Variants in TENM3 observed in about 807,000 individuals in gnomAD.
TENM3 encodes teneurin-3.
TENM3 carries 63 observed loss-of-function variants against 255.1 expected under a neutral mutation model. The ratio of observed to expected loss-of-function variants is 0.25; its 90% CI spans 0.20 to 0.30. The LOEUF (loss-of-function observed/expected upper bound fraction) is 0.30. TENM3 is among the 10% of genes least tolerant of loss of function. TENM3 has a pLI of 1.00. For synonymous variants in TENM3, 1,306 were observed against 1,322.3 expected, an observed-to-expected ratio of 0.99 and a Z score of 0.27; for missense variants, 2,929 against 3,461.1, an observed-to-expected ratio of 0.85 and a Z score of 3.86.
In TENM3 at chr4:182,775,221, G is replaced by A. The variant is rs76398106; in HGVS notation, c.5304+68G>A. 6.5e-4 allele frequency: 929 copies of A among 1,436,736 alleles called. 4 individuals are homozygous for A. The African/African-American group carries it at 0.012, about 19-fold the overall frequency. 89.0% of individuals were successfully genotyped at this position (1,436,736 alleles called of 1,614,324 possible). On this transcript the variant is annotated intron_variant, in intron 24 of 27. Coordinates refer to ENST00000511685, the MANE Select transcript of TENM3 (RefSeq NM_001080477.4). ...ATCTGTGCAGATCATCCTGAGGGCA[G>A]GTTGCGTCTCCTGCTCACCCCCCTA... is the stretch of plus-strand genomic sequence containing the variant.
At chr4:182,385,318 G>A (rs1189342061) in intron 3 of TENM3, among the ~76,000 whole-genome samples, 1 of 134,098 alleles carries the variant, frequency 7.5e-6, no homozygotes, top group Non-Finnish European at 1.5e-5. Flanking sequence ...ACACTGGAGT[G>A]CAGAGGCACG....
chr4:182,606,330 C>T (rs1748419041), intron 4 of TENM3, among the ~76,000 whole-genome samples: 1 of 151,896 alleles, frequency 6.6e-6, no homozygotes, highest in African/African-American at 2.4e-5. Flanking sequence ...TTGAGACCAG[C>T]CTGGCCAACA....
chr4:182,702,322 C>T (rs1023522653), intron 12 of TENM3, among the ~76,000 whole-genome samples: 2 of 152,144 alleles, frequency 1.3e-5, no homozygotes, highest in Non-Finnish European at 2.9e-5. Context: ...AGGAGGGCAG[C>T]TTGGGGAGGC....
chr4:181,746,478 G>A, the TENM3 span, among the ~76,000 whole-genome samples: 3 of 152,060 alleles, frequency 2.0e-5, no homozygotes, highest in African/African-American at 7.2e-5. Context: ...GGCTATAAAT[G>A]GTGATGGAAC....
At chr4:181,750,026 T>A in the TENM3 span, among the ~76,000 whole-genome samples, 2 of 152,186 alleles carry the variant, frequency 1.3e-5, no homozygotes, top group African/African-American at 4.8e-5. Context: ...AACCCACTGA[T>A]GAGTGATCAG....
At chr4:182,517,320 G>A (rs1263196591) in intron 3 of TENM3, among the ~76,000 whole-genome samples, 1 of 151,788 alleles carries the variant, frequency 6.6e-6, no homozygotes, top group Non-Finnish European at 1.5e-5. Flanking sequence ...GAATTCAGCA[G>A]GCTCTTCGGC....
intron 1 of TENM3, among the ~76,000 whole-genome samples, chr4:182,204,611 G>A (rs4632696): frequency 1.3e-5 from 2 of 151,892 alleles, no homozygotes; most frequent in African/African-American, 4.8e-5. Flanking sequence ...GTGCCTCAAC[G>A]TAGTCAGCAC....
At chr4:181,502,579 T>C in the TENM3 span, among the ~76,000 whole-genome samples, 1 of 152,226 alleles carries the variant, frequency 6.6e-6, no homozygotes, top group Non-Finnish European at 1.5e-5. Flanking sequence ...GGAGATGATA[T>C]GTCTCATGTC....
At chr4:182,328,468 G>A (rs190676635) in intron 2 of TENM3, among the ~76,000 whole-genome samples, 3 of 152,004 alleles carry the variant, frequency 2.0e-5, no homozygotes, top group South Asian at 2.1e-4. Flanking sequence ...CGCCCACCTC[G>A]GCCTCCCAAA....
chr4:182,428,988 C>G (rs1291360403), intron 3 of TENM3, among the ~76,000 whole-genome samples: 1 of 152,066 alleles, frequency 6.6e-6, no homozygotes, highest in Non-Finnish European at 1.5e-5. Context: ...TCCAGTATTT[C>G]CCAGTGTTAG....
chr4:181,858,263 T>A, the TENM3 span, among the ~76,000 whole-genome samples: 1 of 152,286 alleles, frequency 6.6e-6, no homozygotes, highest in South Asian at 2.1e-4. Flanking sequence ...GATTTATAGG[T>A]TTTGCAAATT....
At chr4:182,124,764 T>A in the TENM3 span, among the ~76,000 whole-genome samples, 1 of 152,234 alleles carries the variant, frequency 6.6e-6, no homozygotes, top group African/African-American at 2.4e-5. Flanking sequence ...CACTTCCTGA[T>A]GTTTGAGTTC....
the TENM3 span, among the ~76,000 whole-genome samples, chr4:181,627,509 C>T: frequency 0.5 from 76,330 of 151,838 alleles, 19,841 homozygotes; most frequent in Non-Finnish European, 0.57. Context: ...TGACAGGCCC[C>T]AGTGTGTGAT....
chr4:181,983,367 T>C, the TENM3 span, among the ~76,000 whole-genome samples: 1 of 152,232 alleles, frequency 6.6e-6, no homozygotes, highest in South Asian at 2.1e-4. Flanking sequence ...TGGATACACT[T>C]TCTAGATAGC....
intron 3 of TENM3, among the ~76,000 whole-genome samples, chr4:182,387,968 C>G (rs1350753320): frequency 6.7e-6 from 1 of 150,308 alleles, no homozygotes; most frequent in East Asian, 1.9e-4. Flanking sequence ...ACAAACGAAA[C>G]CAGCCATTCA....
chr4:182,345,402 A>C (rs2150658621), intron 2 of TENM3, among the ~76,000 whole-genome samples: 1 of 152,350 alleles, frequency 6.6e-6, no homozygotes, highest in Non-Finnish European at 1.5e-5. Flanking sequence ...ATTAGCATTA[A>C]AATGTTCACA....
At chr4:182,101,299 G>GA in the TENM3 span, among the ~76,000 whole-genome samples, 1 of 124,004 alleles carries the variant, frequency 8.1e-6, no homozygotes, top group Non-Finnish European at 1.7e-5. Context: ...AGGAAGGAAG[G>GA]AGGGAGGGAA....
At chr4:182,771,415 C>T (rs1470066913) in intron 22 of TENM3, among the ~76,000 whole-genome samples, 1 of 151,248 alleles carries the variant, frequency 6.6e-6, no homozygotes, top group Non-Finnish European at 1.5e-5. Flanking sequence ...ACAAAAGTCC[C>T]AGTTATGGTC....
At chr4:182,661,802 A>G (rs1298180727) in intron 6 of TENM3, among the ~76,000 whole-genome samples, 1 of 152,176 alleles carries the variant, frequency 6.6e-6, no homozygotes, top group Non-Finnish European at 1.5e-5. Context: ...GGGATTTAAG[A>G]TGATATTATC....
Sources: gnomAD v4.1 joint callset for allele counts (sites outside exome capture counted in the v4.1 genomes callset) on GRCh38, gnomAD v4.1.1 for gene constraint, MANE v1.5 for transcripts, NCBI Gene and HGNC (gene_info 2026-07-23, HGNC 2026-07-21) for gene names.